TEX14: variants seen among roughly 807,000 people sequenced by gnomAD.
TEX14 encodes inactive serine/threonine-protein kinase TEX14.
TEX14 carries 168 observed loss-of-function variants against 178.6 expected under a neutral mutation model. The observed-to-expected ratio is 0.94, with a 90% CI of 0.83 to 1.07. TEX14 has a LOEUF of 1.07. TEX14 is among the 50% of genes least tolerant of loss of function. The pLI, the probability that TEX14 is intolerant of heterozygous loss-of-function variation, is 0.00. For synonymous variants in TEX14, 626 were observed against 634.1 expected (o/e 0.99, Z 0.19); for missense variants, 1,730 against 1,753.6 (o/e 0.99, Z 0.24).
chr17:58,672,774 C>T (rs528745362), intron 1 of TEX14, among the ~76,000 whole-genome samples: 4 of 151,898 alleles, frequency 2.6e-5, no homozygotes, highest in African/African-American at 7.2e-5. Flanking sequence ...CTCTGTCACC[C>T]GGGCTGGAGT....
chr17:58,607,201 G>C (rs529602252), intron 10 of TEX14, among the ~76,000 whole-genome samples: 1 of 152,178 alleles, frequency 6.6e-6, no homozygotes, highest in African/African-American at 2.4e-5. Context: ...ATCAACTCAT[G>C]TTACCAGCTT....
chr17:58,574,152 C>T, intron 22 of TEX14, 35 bp downstream of exon 22: 2 of 1,558,760 alleles, frequency 1.3e-6, no homozygotes, highest in African/African-American at 1.4e-5. Flanking sequence ...AGACTTTACA[C>T]AAGCATCCCT....
In TEX14 at chr17:58,630,455, C is replaced by A. The variant is rs772437993; in HGVS notation, c.236G>T (p.Gly79Val). The part of the protein sequence containing the change: ...RKFVDVLVDY[G>V]SDPNHRCFDG... ...TTGTACTTACTGATTTGGATCTGAT[C>A]CATAATCCACCAGAACATCAACGAA... The change falls in exon 3 of 32, where the codon GGA becomes GTA. Residue 79 changes from glycine to valine, a missense_variant. Physicochemically the swap from Gly to Val is moderately radical, Grantham distance 109 (BLOSUM62 -3). Around this residue, in one of 2 missense-constraint regions of TEX14, gnomAD observed 789 missense variants for 681.2 expected, o/e 1.16. Transcript: ENST00000349033. 3 of 1,612,168 alleles carry A rather than the reference C, an allele frequency of 1.9e-6. No individual in the cohort carries two copies. The highest frequency in any genetic ancestry group is 1.1e-5 in the South Asian group (1 of 91,036).
chr17:58,617,852 T>C (rs2045908775), intron 5 of TEX14, among the ~76,000 whole-genome samples: 1 of 152,200 alleles, frequency 6.6e-6, no homozygotes, highest in African/African-American at 2.4e-5. Flanking sequence ...GGCTGACCTG[T>C]TAACTCATTT....
At chr17:58,641,881 C>T (rs2046585043) in intron 2 of TEX14, among the ~76,000 whole-genome samples, 1 of 152,152 alleles carries the variant, frequency 6.6e-6, no homozygotes, top group Admixed American at 6.6e-5. Context: ...GATTATTTCT[C>T]CTTTCATAGA....
At chr17:58,657,954 C>T (rs2047004103) in intron 1 of TEX14, among the ~76,000 whole-genome samples, 1 of 152,176 alleles carries the variant, frequency 6.6e-6, no homozygotes, top group African/African-American at 2.4e-5. Flanking sequence ...ATTTTGCAGA[C>T]CTTGCACTTG....
Position 58,556,964 on chromosome 17 carries a change from A to G in TEX14, c.*47T>C, listed in dbSNP as rs747414816. The G allele has an allele frequency of 4.0e-6, 6 of 1,505,808 alleles. No homozygotes were observed. The East Asian group carries it at 1.4e-4, about 34-fold the overall frequency. 93.3% of individuals were successfully genotyped at this position (1,505,808 alleles called of 1,614,324 possible). ...AAAGAGAAGAAAGGAGCTTACAACC[A>G]GGACACTCAAACTCAGGCCAGGAGT... On this transcript the variant is annotated 3_prime_UTR_variant, in exon 32 of 32. Transcript: ENST00000349033.
At chr17:58,616,986 C>T (rs2045887075) in intron 6 of TEX14, among the ~76,000 whole-genome samples, 2 of 151,914 alleles carry the variant, frequency 1.3e-5, no homozygotes, top group South Asian at 4.2e-4. Flanking sequence ...CGAGTTGGCT[C>T]ACGCCTGTAA....
At chr17:58,625,387 A>C (rs1329982462) in intron 3 of TEX14, among the ~76,000 whole-genome samples, 1 of 152,066 alleles carries the variant, frequency 6.6e-6, no homozygotes, top group African/African-American at 2.4e-5. Flanking sequence ...TGCCCGCCTC[A>C]TCCTCCCAAA....
intron 5 of TEX14, among the ~76,000 whole-genome samples, chr17:58,620,740 C>T (rs1475972677): frequency 6.6e-6 from 1 of 152,082 alleles, no homozygotes; most frequent in Non-Finnish European, 1.5e-5. Context: ...GGTGATCCAC[C>T]CACCTCAACC....
intron 10 of TEX14, among the ~76,000 whole-genome samples, chr17:58,608,144 G>T (rs770658008): frequency 6.6e-6 from 1 of 152,050 alleles, no homozygotes; most frequent in African/African-American, 2.4e-5. Flanking sequence ...TTGGCTGGGC[G>T]CAGGGGCTCA....
chr17:58,599,028 C>T lies in TEX14; in HGVS notation c.2317G>A (p.Ala773Thr). 9 of 1,614,110 alleles carry T rather than the reference C, an allele frequency of 5.6e-6. No individual in the cohort carries two copies. Among genetic ancestry groups the T allele is most frequent in the Non-Finnish European group, 7.6e-6 (9 of 1,180,014 alleles). ...KEQEERMSLW[A>T]TSREFTNAYK... ...GCATTTGTAAACTCTCTTGAAGTGG[C>T]CCATAAAGACATGCGCTCTTCCTGT... is the stretch of plus-strand genomic sequence containing the variant. Residue 773 changes from alanine to threonine, a missense_variant, in exon 14 of 32, where the codon GCC becomes ACC. Ala to Thr is a moderately conservative substitution (Grantham distance 58, BLOSUM62 0). This residue lies in a region of TEX14 where 941 missense variants were observed against 1,072.4 expected (regional missense o/e 0.88). Coordinates refer to ENST00000349033, the MANE Select transcript of TEX14 (RefSeq NM_031272.5).
chr17:58,674,558 T>C (rs1441767288), intron 1 of TEX14, among the ~76,000 whole-genome samples: 1 of 150,376 alleles, frequency 6.6e-6, no homozygotes, highest in African/African-American at 2.5e-5. Flanking sequence ...TAATCCCAGC[T>C]ACTCGAGACG....
At chr17:58,603,633 T>C (rs12601347) in intron 11 of TEX14, among the ~76,000 whole-genome samples, 27,899 of 150,000 alleles carry the variant, frequency 0.19, 2,754 homozygotes, top group Non-Finnish European at 0.21. Flanking sequence ...GGTGGGCGGA[T>C]CACGAGGTCA....
chr17:58,612,391 C>A (rs576452768), intron 9 of TEX14, among the ~76,000 whole-genome samples: 2 of 152,120 alleles, frequency 1.3e-5, no homozygotes, highest in African/African-American at 4.8e-5. Flanking sequence ...GAGTTCAAGA[C>A]CAGCCTGGGC....
chr17:58,613,534 G>A lies in TEX14; in HGVS notation c.892C>T (p.His298Tyr), dbSNP rs765426872. 1.9e-6 allele frequency: 3 copies of A among 1,613,590 alleles called. No individual in the cohort carries two copies. The African/African-American group carries it at 4.0e-5, about 22-fold the overall frequency. Residue 298 changes from histidine to tyrosine, a missense_variant, in exon 9 of 32, where the codon CAC (histidine) becomes TAC (tyrosine). Around this residue, in one of 2 missense-constraint regions of TEX14, gnomAD observed 789 missense variants for 681.2 expected, o/e 1.16. Transcript: ENST00000349033. ...GCCATCAACTGTAGCAAGTAGGGGTGCCGCAGCTTGCTGCAAAAGAAAAGA... is the reference window on the plus strand; with the variant it reads ...GCCATCAACTGTAGCAAGTAGGGGTACCGCAGCTTGCTGCAAAAGAAAAGA... ...AEQEHSSKLR[H>Y]PYLLQLMAVC...
intron 4 of TEX14, 94 bp from the exon 5 acceptor site, chr17:58,621,880 A>C: frequency 7.2e-7 from 1 of 1,379,970 alleles, no homozygotes; most frequent in Non-Finnish European, 9.7e-7. Flanking sequence ...AGGAGCTGAG[A>C]GCCCCCAACA....
chr17:58,601,377 C>T (rs1278608776), intron 13 of TEX14, among the ~76,000 whole-genome samples: 4 of 152,040 alleles, frequency 2.6e-5, no homozygotes, highest in Non-Finnish European at 4.4e-5. Context: ...AAAAAATTAG[C>T]TGGGCATGGT....
chr17:58,621,672 A>T lies in TEX14; in HGVS notation c.532T>A (p.Trp178Arg). ...CACCCCTGCACGAGGCCCCCACACC[A>T]GGACGGGCTGTAGACAAGCCGCTGC... The part of the protein sequence containing the change: ...SPQRLVYSPS[W>R]CGGLVQGNPN... Residue 178 changes from tryptophan to arginine, a missense_variant, in exon 5 of 32, where the codon TGG becomes AGG. Physicochemically the swap from Trp to Arg is moderately radical, Grantham distance 101. Coordinates refer to ENST00000349033, the MANE Select transcript of TEX14 (RefSeq NM_031272.5). The T allele has an allele frequency of 6.2e-7, 1 of 1,614,042 alleles. No homozygotes were observed. Among genetic ancestry groups the T allele is most frequent in the South Asian group, 1.1e-5 (1 of 91,064 alleles).
Sources: gnomAD v4.1 joint callset for allele counts (sites outside exome capture counted in the v4.1 genomes callset) on GRCh38, gnomAD v4.1.1 for gene constraint, gnomAD v4.1.1 regional missense constraint, MANE v1.5 for transcripts, NCBI Gene and HGNC (gene_info 2026-07-23, HGNC 2026-07-21) for gene names.